Variants in EHMT1 observed in about 807,000 individuals in gnomAD.
EHMT1 encodes euchromatic histone lysine methyltransferase 1, also known as histone-lysine N-methyltransferase EHMT1.
In EHMT1, 15 loss-of-function variants were observed where a neutral mutation model predicts 147.2. That is an observed-to-expected ratio of 0.10 (90% CI 0.07 to 0.16). The LOEUF is 0.16. Ranked by LOEUF, EHMT1 falls within the 10% of genes least tolerant of loss-of-function variation. EHMT1 has a pLI of 1.00. For missense variants in EHMT1, 1,587 were observed against 1,772.4 expected, an observed-to-expected ratio of 0.90 and a Z score of 1.88; for synonymous variants, 795 against 709.6, an observed-to-expected ratio of 1.12 and a Z score of -1.91.
intron 1 of EHMT1, chr9:137,697,194 T>TGG (rs1290616151): frequency 3.0e-6 from 1 of 331,808 alleles, no homozygotes; most frequent in Non-Finnish European, 6.3e-6. Flanking sequence ...GGCAGGAGAA[T>TGG]CATGTGAACC....
intron 10 of EHMT1, among the ~76,000 whole-genome samples, chr9:137,768,767 G>A (rs1176925760): frequency 6.6e-6 from 1 of 151,052 alleles, no homozygotes; most frequent in African/African-American, 2.4e-5. Context: ...AGCCGGGATG[G>A]TCTCGATCTC....
chr9:137,784,494 A>G, intron 15 of EHMT1: 3 of 967,892 alleles, frequency 3.1e-6, no homozygotes, highest in Non-Finnish European at 3.8e-6. Flanking sequence ...GAAGTTACAG[A>G]CTTTCCACTT....
At chr9:137,624,552 G>A (rs1843136530) in intron 1 of EHMT1, among the ~76,000 whole-genome samples, 1 of 151,930 alleles carries the variant, frequency 6.6e-6, no homozygotes, top group African/African-American at 2.4e-5. Flanking sequence ...CTGACCTCAA[G>A]TAAGTGATCC....
intron 16 of EHMT1, among the ~76,000 whole-genome samples, chr9:137,797,801 G>T (rs1953084807): frequency 6.6e-6 from 1 of 152,044 alleles, no homozygotes; most frequent in Non-Finnish European, 1.5e-5. Context: ...AAGGAACATG[G>T]TTAAGTGGAG....
chr9:137,711,094 T>G (rs959487297), intron 2 of EHMT1, 64 bp downstream of exon 2: 2 of 1,498,772 alleles, frequency 1.3e-6, no homozygotes, highest in African/African-American at 2.8e-5. Flanking sequence ...AACCTGCTGC[T>G]CTTCCTCTCT....
intron 3 of EHMT1, among the ~76,000 whole-genome samples, chr9:137,724,074 G>A (rs1175560565): frequency 1.3e-5 from 2 of 152,258 alleles, no homozygotes; most frequent in African/African-American, 4.8e-5. Context: ...CACTCCAGGA[G>A]GCGTCAGCAT....
intron 4 of EHMT1, among the ~76,000 whole-genome samples, chr9:137,736,945 G>A (rs745607944): frequency 6.6e-6 from 1 of 152,048 alleles, no homozygotes; most frequent in South Asian, 2.1e-4. Context: ...GCTCAAGCCT[G>A]TCATCCATGC....
intron 3 of EHMT1, among the ~76,000 whole-genome samples, chr9:137,725,307 C>G (rs975291370): frequency 6.6e-6 from 1 of 151,812 alleles, no homozygotes. Flanking sequence ...GTGTGGCAGA[C>G]ATGTGGCCTT....
At chr9:137,801,491 T>C (rs936234848) in intron 18 of EHMT1, among the ~76,000 whole-genome samples, 1 of 151,370 alleles carries the variant, frequency 6.6e-6, no homozygotes, top group African/African-American at 2.4e-5. Flanking sequence ...CTGGCTAATT[T>C]TTGTATTTTT....
At position 137,782,114 on chromosome 9, in the gene EHMT1, A is replaced by G. The variant is rs1276356015; in HGVS notation, c.2276-177A>G. Among the ~76,000 whole-genome samples the G allele has an allele frequency of 6.6e-6, 1 of 152,190 alleles. No individual in the cohort carries two copies. Among genetic ancestry groups the G allele is most frequent in the Non-Finnish European group, 1.5e-5 (1 of 68,022 alleles). ...TGCCTGTTCAATTCCGCAGGAGACT[A>G]GCACACTCAAGTCTCAAGTCCAGAG... is the stretch of plus-strand genomic sequence containing the variant. On this transcript the variant is annotated intron_variant, in intron 14 of 26. Coordinates refer to ENST00000460843, the MANE Select transcript of EHMT1 (RefSeq NM_024757.5). The surrounding 1 kb of genome is among the most constrained non-coding windows in gnomAD (Gnocchi z 5.7).
At chr9:137,682,390 T>C (rs1942038445) in intron 1 of EHMT1, among the ~76,000 whole-genome samples, 1 of 152,224 alleles carries the variant, frequency 6.6e-6, no homozygotes, top group Admixed American at 6.5e-5. Flanking sequence ...ATACTGAGTT[T>C]ATTATTTTTG....
rs1024714265 is a variant in EHMT1 at position 137,782,223 on chromosome 9, C to T, written c.2276-68C>T. On this transcript the variant is annotated intron_variant, in intron 14 of 26. Coordinates refer to ENST00000460843, the MANE Select transcript of EHMT1 (RefSeq NM_024757.5). This position sits in a 1 kb window ranked among gnomAD's most constrained non-coding sequence, Gnocchi z 5.7. Reference sequence around the variant, plus strand: ...TCATTTGTGAGTGCTTGCCAGCCATCGTGACAGTCCTGAGCTGGAGTCTGT... The same window carrying T: ...TCATTTGTGAGTGCTTGCCAGCCATTGTGACAGTCCTGAGCTGGAGTCTGT... The T allele has an allele frequency of 2.7e-5, 39 of 1,429,774 alleles. No homozygotes were observed. Among genetic ancestry groups the T allele is most frequent in the African/African-American group, 4.3e-5 (3 of 70,578 alleles). 88.6% of individuals were successfully genotyped at this position (1,429,774 alleles called of 1,614,324 possible). A position where few individuals can be genotyped will look rare whatever the true frequency, so the allele number is the denominator to read the frequency against.
intron 1 of EHMT1, among the ~76,000 whole-genome samples, chr9:137,644,699 A>G (rs1267497814): frequency 4.6e-5 from 7 of 152,198 alleles, no homozygotes; most frequent in Admixed American, 2.6e-4. Context: ...CAGTTTGTAC[A>G]GAAACAGGTG....
intron 6 of EHMT1, among the ~76,000 whole-genome samples, chr9:137,749,432 CA>C (rs1948803120): frequency 6.6e-6 from 1 of 152,054 alleles, no homozygotes; most frequent in Admixed American, 6.6e-5. Flanking sequence ...CCACCATGTC[CA>C]GCTAATTTTT....
chr9:137,755,076 A>G (rs1017746246), intron 8 of EHMT1, among the ~76,000 whole-genome samples: 4 of 152,232 alleles, frequency 2.6e-5, no homozygotes, highest in Admixed American at 6.5e-5. Context: ...TTCCAGCTTA[A>G]CCGAGGTGCA....
At chr9:137,679,721 A>T (rs926296875) in intron 1 of EHMT1, among the ~76,000 whole-genome samples, 1 of 152,242 alleles carries the variant, frequency 6.6e-6, no homozygotes, top group Non-Finnish European at 1.5e-5. Context: ...TTAGCCAAAT[A>T]CATTGGATAT....
chr9:137,657,151 G>C (rs1254292626), intron 1 of EHMT1, among the ~76,000 whole-genome samples: 1 of 152,198 alleles, frequency 6.6e-6, no homozygotes, highest in Non-Finnish European at 1.5e-5. Context: ...GTTATGGCCG[G>C]TGTAGACAAG....
chr9:137,726,417 G>C (rs188377006), intron 3 of EHMT1, among the ~76,000 whole-genome samples: 1 of 152,148 alleles, frequency 6.6e-6, no homozygotes, highest in Admixed American at 6.5e-5. Flanking sequence ...CAGTGTCCCC[G>C]AGGCTCATCC....
rs577158915 is a variant in EHMT1 at position 137,803,037 on chromosome 9, G to A, written c.2712+2053G>A. The A allele has an allele frequency of 4.1e-3, 5,089 of 1,231,178 alleles. 13 individuals are homozygous for A. The highest frequency in any genetic ancestry group is 4.8e-3 in the Non-Finnish European group (4,733 of 987,718). The allele number at this position is 1,231,178 out of a possible 1,614,324, so 76.3% of individuals were successfully genotyped here. ...TGGGGCCACCTCACCCACCGCCCCC[G>A]GAGACTGCGTGGCGGGGAAGGCGGC... On this transcript the variant is annotated intron_variant, in intron 18 of 26. Transcript: ENST00000460843.
Sources: allele counts gnomAD v4.1 joint callset (sites outside exome capture counted in the v4.1 genomes callset), GRCh38; gene constraint gnomAD v4.1.1; non-coding constraint Gnocchi (gnomAD v3.1); transcripts MANE v1.5; gene names NCBI Gene and HGNC (gene_info 2026-07-23, HGNC 2026-07-21).